Variants in FCHSD2 observed in about 807,000 individuals in gnomAD.
FCHSD2 encodes the protein FCH and double SH3 domains 2.
Under a neutral mutation model 108.1 loss-of-function variants are expected in FCHSD2, and 38 were observed. The ratio of observed to expected loss-of-function variants is 0.35; its 90% CI spans 0.27 to 0.46. The LOEUF (loss-of-function observed/expected upper bound fraction) is 0.46. FCHSD2 is among the 20% of genes least tolerant of loss of function. FCHSD2 has a pLI of 1.00. For missense variants in FCHSD2, 751 were observed against 897.8 expected (o/e 0.84, Z 2.09); for synonymous variants, 279 against 314.7 (o/e 0.89, Z 1.20).
chr11:72,951,553 T>C (rs7122566), intron 8 of FCHSD2, among the ~76,000 whole-genome samples: 3,335 of 152,308 alleles, frequency 0.022, 84 homozygotes, highest in African/African-American at 0.059. Flanking sequence ...GATTGTAAAA[T>C]TTATCACCAT....
At chr11:73,104,860 C>T (rs139718830) in intron 2 of FCHSD2, among the ~76,000 whole-genome samples, 26 of 152,240 alleles carry the variant, frequency 1.7e-4, no homozygotes, top group African/African-American at 5.8e-4. Context: ...GCCTGGCCAA[C>T]TTTACTAATT....
chr11:73,086,824 A>G (rs1332108717), intron 2 of FCHSD2, among the ~76,000 whole-genome samples: 3 of 152,244 alleles, frequency 2.0e-5, no homozygotes, highest in Non-Finnish European at 4.4e-5. Flanking sequence ...TGTCCCAGAA[A>G]TGAATAGATA....
chr11:73,108,669 C>T (rs1201453409), intron 2 of FCHSD2, among the ~76,000 whole-genome samples: 3 of 152,232 alleles, frequency 2.0e-5, no homozygotes, highest in East Asian at 3.9e-4. Context: ...CCCGGGTTCA[C>T]GCCATTCTCC....
chr11:72,903,832 T>C (rs1855577080), intron 9 of FCHSD2, among the ~76,000 whole-genome samples: 1 of 152,166 alleles, frequency 6.6e-6, no homozygotes, highest in Non-Finnish European at 1.5e-5. Flanking sequence ...ACGCAAAAAG[T>C]AGTAGGTGTA....
intron 12 of FCHSD2, among the ~76,000 whole-genome samples, chr11:72,875,886 G>A (rs1197500739): frequency 6.6e-6 from 1 of 152,208 alleles, no homozygotes; most frequent in Admixed American, 6.5e-5. Flanking sequence ...CCACCATGCT[G>A]GGGAAGTCCA....
intron 5 of FCHSD2, among the ~76,000 whole-genome samples, chr11:72,999,264 A>G (rs1400668120): frequency 6.6e-6 from 1 of 152,086 alleles, no homozygotes; most frequent in African/African-American, 2.4e-5. Context: ...GCAATAATAT[A>G]AAACAAGTTA....
At chr11:72,954,512 T>C (rs1238385239) in intron 8 of FCHSD2, among the ~76,000 whole-genome samples, 1 of 152,050 alleles carries the variant, frequency 6.6e-6, no homozygotes, top group East Asian at 1.9e-4. Context: ...AGCCAAAAAA[T>C]CATTCTATTT....
chr11:72,884,098 CTT>C (rs1369000419), intron 12 of FCHSD2, among the ~76,000 whole-genome samples: 1 of 152,050 alleles, frequency 6.6e-6, no homozygotes, highest in African/African-American at 2.4e-5. Flanking sequence ...AGAGACCACT[CTT>C]AGTATCATTA....
intron 13 of FCHSD2, among the ~76,000 whole-genome samples, chr11:72,852,461 G>C (rs557205080): frequency 1.3e-5 from 2 of 152,118 alleles, no homozygotes; most frequent in African/African-American, 4.8e-5. Flanking sequence ...ACTTTGGAAG[G>C]CTAAAGTGGG....
intron 8 of FCHSD2, among the ~76,000 whole-genome samples, chr11:72,959,153 C>G (rs1296834067): frequency 6.7e-6 from 1 of 149,870 alleles, no homozygotes; most frequent in Non-Finnish European, 1.5e-5. Flanking sequence ...TACTCTTTAC[C>G]CATTTTAGAA....
intron 2 of FCHSD2, among the ~76,000 whole-genome samples, chr11:73,112,651 T>C (rs1431565248): frequency 6.6e-6 from 1 of 152,144 alleles, no homozygotes; most frequent in Non-Finnish European, 1.5e-5. Flanking sequence ...TTGTTGGTGG[T>C]GGTGTTGGTG....
rs898167302 is a variant in FCHSD2 at position 72,889,825 on chromosome 11, T to C, written c.1041+4A>G. 46 of 1,566,600 alleles carry C rather than the reference T, an allele frequency of 2.9e-5. No individual in the cohort carries two copies. The highest frequency in any genetic ancestry group is 3.8e-5 in the Non-Finnish European group (43 of 1,136,858). On this transcript the variant is annotated splice_donor_region_variant and intron_variant, in intron 11 of 19. Coordinates refer to ENST00000409418, the MANE Select transcript of FCHSD2 (RefSeq NM_014824.3). ...ATGTAACTAGGACTTTCTCTTACACTTACCCGTTGTTGGTGAACAATGTTT... is the reference window on the plus strand; with the variant it reads ...ATGTAACTAGGACTTTCTCTTACACCTACCCGTTGTTGGTGAACAATGTTT...
At chr11:73,056,201 T>C (rs574799201) in intron 3 of FCHSD2, among the ~76,000 whole-genome samples, 22 of 152,312 alleles carry the variant, frequency 1.4e-4, no homozygotes, top group African/African-American at 5.3e-4. Context: ...TTGTTAGTTT[T>C]ATCAGGACAT....
At chr11:73,128,852 G>A (rs1188153089) in intron 2 of FCHSD2, among the ~76,000 whole-genome samples, 1 of 152,118 alleles carries the variant, frequency 6.6e-6, no homozygotes, top group African/African-American at 2.4e-5. Context: ...TAAAGAATAA[G>A]TCAGGCTATA....
chr11:73,086,689 A>G (rs1859824922), intron 2 of FCHSD2, among the ~76,000 whole-genome samples: 1 of 152,216 alleles, frequency 6.6e-6, no homozygotes, highest in Non-Finnish European at 1.5e-5. Flanking sequence ...AATTACCAAA[A>G]TCAGAAATGA....
At chr11:73,019,622 CTT>C (rs1188799509) in intron 3 of FCHSD2, among the ~76,000 whole-genome samples, 2 of 152,040 alleles carry the variant, frequency 1.3e-5, no homozygotes, top group Non-Finnish European at 2.9e-5. Flanking sequence ...AGATGAAAGA[CTT>C]TATTCAAGTT....
chr11:73,072,940 G>T (rs1859469052), intron 3 of FCHSD2, among the ~76,000 whole-genome samples: 1 of 152,074 alleles, frequency 6.6e-6, no homozygotes, highest in South Asian at 2.1e-4. Context: ...ATACCACAGG[G>T]TATTTGCCAA....
At chr11:72,970,751 G>A (rs1046016294) in intron 8 of FCHSD2, among the ~76,000 whole-genome samples, 3 of 152,176 alleles carry the variant, frequency 2.0e-5, no homozygotes, top group African/African-American at 7.2e-5. Flanking sequence ...AGACTTCCAT[G>A]AAGAAAGGCC....
At chr11:72,924,187 T>C (rs2135314825) in intron 8 of FCHSD2, among the ~76,000 whole-genome samples, 1 of 152,332 alleles carries the variant, frequency 6.6e-6, no homozygotes, top group Non-Finnish European at 1.5e-5. Context: ...GTAATCCGCC[T>C]GTCTCAGCCT....
Sources: allele counts gnomAD v4.1 joint callset (sites outside exome capture counted in the v4.1 genomes callset), GRCh38; gene constraint gnomAD v4.1.1; transcripts MANE v1.5; gene names NCBI Gene and HGNC (gene_info 2026-07-23, HGNC 2026-07-21).